The following ABR variants were observed in gnomAD, a reference collection of about 807,000 sequenced individuals.
The protein encoded by ABR is ABR activator of RhoGEF and GTPase.
In ABR, 35 loss-of-function variants were observed where a neutral mutation model predicts 107.2. The ratio of observed to expected loss-of-function variants is 0.33; its 90% CI spans 0.25 to 0.43. The LOEUF (loss-of-function observed/expected upper bound fraction) is 0.43. Among genes scored for constraint, ABR ranks in the 20% least tolerant of loss-of-function variants. The pLI is 1.00. For synonymous variants in ABR, 498 were observed against 462.0 expected, an observed-to-expected ratio of 1.08 and a Z score of -1.00; for missense variants, 815 against 1,115.2, an observed-to-expected ratio of 0.73 and a Z score of 3.83.
Position 1,014,763 on chromosome 17 carries a change from A to G in ABR, c.1792-1599T>C, listed in dbSNP as rs542583780. 2.6e-4 allele frequency among the ~76,000 whole-genome samples: 39 copies of G among 150,448 alleles called. No homozygotes were observed. The South Asian group carries it at 3.0e-3, about 12-fold the overall frequency. ...GGGGAGGCTGAGGCAGGAGAATGGC[A>G]TGAACCCAGTAGGTGGAGGTTGCAG... On this transcript the variant is annotated intron_variant, in intron 16 of 22. Coordinates refer to ENST00000302538, the MANE Select transcript of ABR (RefSeq NM_021962.5).
At chr17:1,079,827 A>G (rs984405776) in intron 5 of ABR, among the ~76,000 whole-genome samples, 3 of 127,606 alleles carry the variant, frequency 2.4e-5, no homozygotes, top group Admixed American at 8.4e-5. Flanking sequence ...AAAAAAAAAA[A>G]GAAAGACAAA....
intron 1 of ABR, among the ~76,000 whole-genome samples, chr17:1,207,363 T>C (rs572677053): frequency 6.6e-6 from 1 of 152,150 alleles, no homozygotes; most frequent in East Asian, 1.9e-4. Context: ...AAAATGCATA[T>C]ATTTGGCCGT....
At chr17:1,160,342 C>G (rs544205180) in intron 1 of ABR, among the ~76,000 whole-genome samples, 1 of 151,756 alleles carries the variant, frequency 6.6e-6, no homozygotes, top group South Asian at 2.1e-4. Flanking sequence ...GGGCCAGGCA[C>G]TCACACATTA....
intron 16 of ABR, among the ~76,000 whole-genome samples, chr17:1,018,001 T>C (rs1386639854): frequency 6.6e-6 from 1 of 152,078 alleles, no homozygotes; most frequent in Admixed American, 6.5e-5. Context: ...CCTGAAGAGC[T>C]GGCATTACAG....
intron 4 of ABR, among the ~76,000 whole-genome samples, chr17:1,088,980 CT>C (rs1292889719): frequency 6.7e-6 from 1 of 149,952 alleles, no homozygotes; most frequent in Non-Finnish European, 1.5e-5. Context: ...ACTGCAACCT[CT>C]GCCTCCCAGG....
intron 12 of ABR, 163 bp downstream of exon 12, chr17:1,057,807 G>T: frequency 1.6e-6 from 1 of 619,082 alleles, no homozygotes; most frequent in Non-Finnish European, 2.9e-6. Context: ...TAGATTCTTT[G>T]GGTCTCAATT....
chr17:1,101,981 C>T (rs936720863), intron 2 of ABR, among the ~76,000 whole-genome samples: 24 of 152,148 alleles, frequency 1.6e-4, no homozygotes, highest in Non-Finnish European at 2.8e-4. Context: ...GATCCGCCCG[C>T]CTTGGCCTCC....
Position 1,012,896 on chromosome 17 carries a change from G to A in ABR, c.1852-99C>T, listed in dbSNP as rs1157428305. On this transcript the variant is annotated intron_variant, in intron 17 of 22. Coordinates refer to ENST00000302538, the MANE Select transcript of ABR (RefSeq NM_021962.5). ...TCCCCTCCCCAAGACTGCAAATGAG[G>A]GCTAGCTCACACCCAGGTCTCCCTC... 2.8e-5 allele frequency: 32 copies of A among 1,137,438 alleles called. No individual in the cohort carries two copies. In the Admixed American group the frequency reaches 5.4e-4, roughly 19 times the overall value. The allele number at this position is 1,137,438 out of a possible 1,614,324, so 70.5% of individuals were successfully genotyped here.
chr17:1,204,923 A>G (rs966250818), intron 1 of ABR, among the ~76,000 whole-genome samples: 4 of 69,020 alleles, frequency 5.8e-5, no homozygotes, highest in African/African-American at 2.5e-4. Flanking sequence ...TTTTTTTTTG[A>G]GACTGAGTCT....
chr17:1,136,020 G>C (rs28405758), intron 1 of ABR, among the ~76,000 whole-genome samples: 1,786 of 151,940 alleles, frequency 0.012, 31 homozygotes, highest in African/African-American at 0.041. Context: ...AAGTCCCTGG[G>C]ATATTCAGAA....
At chr17:1,079,161 C>T (rs571045555) in intron 6 of ABR, 169 bp downstream of exon 6, 350 of 1,449,556 alleles carry the variant, frequency 2.4e-4, no homozygotes, top group Admixed American at 3.7e-4. Context: ...TCCTCGCGTG[C>T]GCGCACACGC....
intron 1 of ABR, among the ~76,000 whole-genome samples, chr17:1,207,809 G>T (rs2042822383): frequency 6.6e-6 from 1 of 151,680 alleles, no homozygotes. Context: ...TCGCTCTGTT[G>T]CCCAGGCTGG....
At position 1,169,117 on chromosome 17, in the gene ABR, G is replaced by A. The variant is rs569336936; in HGVS notation, c.61+10550C>T. On this transcript the variant is annotated intron_variant, in intron 1 of 22. Coordinates refer to ENST00000302538, the MANE Select transcript of ABR (RefSeq NM_021962.5). ...GGCCCTGCAGGGGAAAGAGGAGGGA[G>A]GGAGGACGTGGGTTTTGTCTAGACA... 3.3e-5 allele frequency among the ~76,000 whole-genome samples: 5 copies of A among 152,330 alleles called. No individual in the cohort carries two copies. In the East Asian group the frequency reaches 7.7e-4, roughly 24 times the overall value.
intron 16 of ABR, among the ~76,000 whole-genome samples, chr17:1,032,112 G>A (rs1448116476): frequency 1.3e-5 from 2 of 152,000 alleles, no homozygotes; most frequent in Non-Finnish European, 2.9e-5. Context: ...GTCCCTCCCT[G>A]CTGGGTCCCC....
At chr17:1,104,848 G>A (rs1056348578) in intron 2 of ABR, among the ~76,000 whole-genome samples, 3 of 152,140 alleles carry the variant, frequency 2.0e-5, no homozygotes, top group African/African-American at 7.2e-5. Flanking sequence ...CCCGTATTCT[G>A]GGCTCCCTAT....
Position 1,179,903 on chromosome 17 carries a change from G to GA in ABR, c.-177dup, listed in dbSNP as rs2042065090. ...CGGGGCAGGGGCGAGGGCGGGGCGG[G>GA]AGCCCCCAAAACCCTCCCGAACCCT... On this transcript the variant is annotated 5_prime_UTR_variant, in exon 1 of 23. Transcript: ENST00000302538. This position sits in a 1 kb window ranked among gnomAD's most constrained non-coding sequence, Gnocchi z 4.9. The GA allele has an allele frequency of 5.6e-6, 3 of 534,210 alleles. No homozygotes were observed. In the Admixed American group the frequency reaches 1.4e-4, roughly 24 times the overall value. The allele number at this position is 534,210 out of a possible 1,614,324, so 33.1% of individuals were successfully genotyped here. A position where few individuals can be genotyped will look rare whatever the true frequency, so the allele number is the denominator to read the frequency against.
exon 1 of ABR, among the ~76,000 whole-genome samples, chr17:1,229,501 G>A (rs1291630706): frequency 6.6e-6 from 1 of 151,976 alleles, no homozygotes; most frequent in African/African-American, 2.4e-5. Flanking sequence ...TGTTGCAGCC[G>A]CTCCAGGTTG....
intron 14 of ABR, among the ~76,000 whole-genome samples, chr17:1,054,564 G>A (rs2033011846): frequency 8.7e-6 from 1 of 114,898 alleles, no homozygotes; most frequent in African/African-American, 3.8e-5. Context: ...GGGGCACAAA[G>A]AACCTGAGGG....
rs923985102 is a variant in ABR, at chr17:1,027,763, G to A, written c.1792-14599C>T. Among the ~76,000 whole-genome samples, 2 of 152,074 alleles carry A rather than the reference G, an allele frequency of 1.3e-5. No homozygotes were observed. Among genetic ancestry groups the A allele is most frequent in the African/African-American group, 2.4e-5 (1 of 41,400 alleles). ...GTCGCTATGGGGGTGTGTGTGAACA[G>A]AGAAGACGCACGATGAAGCTTTCTT... On this transcript the variant is annotated intron_variant, in intron 16 of 22. Coordinates refer to ENST00000302538, the MANE Select transcript of ABR (RefSeq NM_021962.5). This position sits in a 1 kb window ranked among gnomAD's most constrained non-coding sequence, Gnocchi z 4.7.
Sources: gnomAD v4.1 joint callset for allele counts (sites outside exome capture counted in the v4.1 genomes callset) on GRCh38, gnomAD v4.1.1 for gene constraint, Gnocchi (gnomAD v3.1) non-coding constraint, MANE v1.5 for transcripts, NCBI Gene and HGNC (gene_info 2026-07-23, HGNC 2026-07-21) for gene names.